The following PTCD3 variants were observed in gnomAD, a reference collection of about 807,000 sequenced individuals.
PTCD3 encodes pentatricopeptide repeat domain 3.
A neutral mutation model predicts 101.9 loss-of-function variants in PTCD3; 89 were observed. The observed-to-expected ratio is 0.87, with a 90% CI of 0.74 to 1.04. The LOEUF (loss-of-function observed/expected upper bound fraction) is 1.04, where lower values mean the gene tolerates loss of function less well. Ranked by LOEUF, PTCD3 falls within the 50% of genes least tolerant of loss-of-function variation. PTCD3 has a pLI of 0.00. For missense variants in PTCD3, 870 were observed against 828.2 expected, an observed-to-expected ratio of 1.05 and a Z score of -0.62; for synonymous variants, 296 against 278.5, an observed-to-expected ratio of 1.06 and a Z score of -0.63.
At chr2:86,120,196 A>G (rs528953609) in intron 7 of PTCD3, among the ~76,000 whole-genome samples, 1 of 152,120 alleles carries the variant, frequency 6.6e-6, no homozygotes, top group African/African-American at 2.4e-5. Context: ...TCTGCATTGA[A>G]GTTCTTAGTG....
chr2:86,140,300 T>C lies in PTCD3; in HGVS notation c.*2741T>C. 6.6e-6 allele frequency: 1 copy of C among 151,534 alleles called. No individual in the cohort carries two copies. Among genetic ancestry groups the C allele is most frequent in the South Asian group, 2.1e-4 (1 of 4,822 alleles). 9.4% of individuals were successfully genotyped at this position (151,534 alleles called of 1,614,324 possible). On this transcript the variant is annotated 3_prime_UTR_variant, in exon 24 of 24. Coordinates refer to ENST00000254630, the MANE Select transcript of PTCD3 (RefSeq NM_017952.6). ...CAAGCACTAGGCTTAGAGGAAAAGA[T>C]GTCAGATTGTACTGTCACTGGCTAT...
intron 12 of PTCD3, among the ~76,000 whole-genome samples, chr2:86,126,949 T>C (rs1674407359): frequency 6.6e-6 from 1 of 152,134 alleles, no homozygotes; most frequent in Non-Finnish European, 1.5e-5. Context: ...ACCACCTCTA[T>C]CAAGTGGGGT....
intron 14 of PTCD3, among the ~76,000 whole-genome samples, chr2:86,130,260 A>G (rs886248512): frequency 6.6e-6 from 1 of 152,156 alleles, no homozygotes; most frequent in Non-Finnish European, 1.5e-5. Context: ...AGATTGTGCC[A>G]TCGCACTCCA....
At chr2:86,113,573 A>T (rs763287091) in intron 4 of PTCD3, among the ~76,000 whole-genome samples, 2 of 152,210 alleles carry the variant, frequency 1.3e-5, no homozygotes, top group Non-Finnish European at 2.9e-5. Flanking sequence ...TGGGAGGTCA[A>T]GGCGGGTGGA....
In PTCD3 at chr2:86,141,701, G is replaced by A. The variant is rs939073795; in HGVS notation, c.*4142G>A. On this transcript the variant is annotated 3_prime_UTR_variant, in exon 24 of 24. Coordinates refer to ENST00000254630, the MANE Select transcript of PTCD3 (RefSeq NM_017952.6). Reference sequence around the variant, plus strand: ...GGAGGGAGGCAATAAAGTAATTTCAGAGTAAAACAGATTGAGGATGAAACC... The same window carrying A: ...GGAGGGAGGCAATAAAGTAATTTCAAAGTAAAACAGATTGAGGATGAAACC... 6.6e-6 allele frequency: 1 copy of A among 152,040 alleles called. No homozygotes were observed. The highest frequency in any genetic ancestry group is 2.4e-5 in the African/African-American group (1 of 41,290). 9.4% of individuals were successfully genotyped at this position (152,040 alleles called of 1,614,324 possible). A position where few individuals can be genotyped will look rare whatever the true frequency, so the allele number is the denominator to read the frequency against.
chr2:86,119,141 G>T (rs535087371), intron 7 of PTCD3, 97 bp downstream of exon 7: 2 of 1,460,222 alleles, frequency 1.4e-6, no homozygotes, highest in African/African-American at 1.4e-5. Context: ...TACAGGTCCT[G>T]CTGTACTTAC....
chr2:86,125,535 T>C lies in PTCD3; in HGVS notation c.865+20T>C, dbSNP rs1251137729. Reference sequence around the variant, plus strand: ...TCCATGGTGAGTTTGAGAACTCCCCTCTGTCCCTTTCTCCATTTCCTTCTT... The same window carrying C: ...TCCATGGTGAGTTTGAGAACTCCCCCCTGTCCCTTTCTCCATTTCCTTCTT... On this transcript the variant is annotated intron_variant, in intron 11 of 23. Transcript: ENST00000254630. The C allele has an allele frequency of 1.9e-6, 3 of 1,577,518 alleles. No individual in the cohort carries two copies. In the African/African-American group the frequency reaches 4.1e-5, roughly 21 times the overall value.
intron 7 of PTCD3, among the ~76,000 whole-genome samples, chr2:86,120,959 A>G (rs1046844187): frequency 2.0e-5 from 3 of 152,164 alleles, no homozygotes; most frequent in African/African-American, 4.8e-5. Flanking sequence ...TCTTCCTCCT[A>G]TTCCCTTTTT....
chr2:86,130,852 T>TA lies in PTCD3; in HGVS notation c.1237+118dup, dbSNP rs773680039. ...GCTTAGAAGTATTTTTTTTTTTTTT[T>TA]AAATAAATTTGAGTACATAGTAGGT... On this transcript the variant is annotated intron_variant, in intron 15 of 23. Transcript: ENST00000254630. 5 of 1,314,088 alleles carry TA rather than the reference T, an allele frequency of 3.8e-6. No individual in the cohort carries two copies. In the South Asian group the frequency reaches 4.8e-5, roughly 13 times the overall value. The allele number at this position is 1,314,088 out of a possible 1,614,324, so 81.4% of individuals were successfully genotyped here.
intron 3 of PTCD3, among the ~76,000 whole-genome samples, chr2:86,109,176 C>T (rs996077243): frequency 1.3e-5 from 2 of 152,076 alleles, no homozygotes; most frequent in South Asian, 2.1e-4. Flanking sequence ...GAGGCCGAGG[C>T]GGGCGGATGA....
chr2:86,131,969 T>A (rs932409963), intron 16 of PTCD3, among the ~76,000 whole-genome samples: 1 of 152,230 alleles, frequency 6.6e-6, no homozygotes, highest in Non-Finnish European at 1.5e-5. Context: ...GCAACCAGTA[T>A]TTCATAGTAA....
intron 4 of PTCD3, 53 bp from the exon 5 acceptor site, chr2:86,116,477 C>T (rs1439745592): frequency 5.6e-6 from 8 of 1,418,366 alleles, no homozygotes; most frequent in Non-Finnish European, 6.0e-6. Context: ...CTAAAAGTTA[C>T]AGTGAGCTGT....
intron 15 of PTCD3, 31 bp downstream of exon 15, chr2:86,130,768 C>G: frequency 6.2e-7 from 1 of 1,609,156 alleles, no homozygotes; most frequent in Non-Finnish European, 8.5e-7. Context: ...TGTTTTCCTC[C>G]TCTAAAGACA....
intron 20 of PTCD3, 29 bp downstream of exon 20, chr2:86,134,406 T>TC: frequency 6.5e-7 from 1 of 1,548,374 alleles, no homozygotes; most frequent in South Asian, 1.1e-5. Flanking sequence ...AGCCAGTATA[T>TC]CCTCCCATAC....
intron 4 of PTCD3, among the ~76,000 whole-genome samples, 183 bp downstream of exon 4, chr2:86,111,341 C>G (rs1182165749): frequency 6.6e-6 from 1 of 152,126 alleles, no homozygotes; most frequent in Admixed American, 6.5e-5. Flanking sequence ...GTAATCCCAG[C>G]ACTTTGGGAG....
intron 20 of PTCD3, 21 bp from the exon 21 acceptor site, chr2:86,134,815 TCTG>T (rs1674553775): frequency 1.2e-6 from 2 of 1,613,104 alleles, no homozygotes; most frequent in Admixed American, 1.7e-5. Context: ...GTTAGGCAGT[TCTG>T]CTGACTCCTA....
At chr2:86,106,954 A>G (rs1014848231) in intron 1 of PTCD3, among the ~76,000 whole-genome samples, 2 of 152,200 alleles carry the variant, frequency 1.3e-5, no homozygotes, top group Non-Finnish European at 2.9e-5. Flanking sequence ...AAAACTTGCT[A>G]AAAGCCTAAT....
intron 16 of PTCD3, 149 bp from the exon 17 acceptor site, chr2:86,132,169 T>TC (rs950174089): frequency 2.4e-5 from 13 of 537,644 alleles, no homozygotes; most frequent in South Asian, 5.9e-5. Context: ...GGGATTTGTC[T>TC]CCCCCCCATT....
Position 86,133,379 on chromosome 2 carries a change from C to G in PTCD3, c.1486C>G (p.Leu496Val), listed in dbSNP as rs757164117. ...YFPHSQTMIH[L>V]LQALDVANRL... ...TCCCCACTCCCAAACAATGATACAT[C>G]TTCTCCAAGCATTGGATGTGGCCAA... The change falls in exon 19 of 24, where the codon CTT (leucine) becomes GTT (valine). Residue 496 changes from leucine to valine, a missense_variant. Transcript: ENST00000254630. 3 of 1,614,144 alleles carry G rather than the reference C, an allele frequency of 1.9e-6. No homozygotes were observed. The highest frequency in any genetic ancestry group is 2.5e-6 in the Non-Finnish European group (3 of 1,179,996).
Sources: allele counts gnomAD v4.1 joint callset (sites outside exome capture counted in the v4.1 genomes callset), GRCh38; gene constraint gnomAD v4.1.1; transcripts MANE v1.5; gene names NCBI Gene and HGNC (gene_info 2026-07-23, HGNC 2026-07-21).